SUMF1: variants seen among roughly 807,000 people sequenced by gnomAD.
SUMF1 encodes the protein formylglycine-generating enzyme.
SUMF1 carries 48 observed loss-of-function variants against 47.6 expected under a neutral mutation model. The ratio of observed to expected loss-of-function variants is 1.01; its 90% confidence interval spans 0.80 to 1.28. The LOEUF (loss-of-function observed/expected upper bound fraction) is 1.28. Ranked by LOEUF, SUMF1 falls within the 50% of genes most tolerant of loss-of-function variation. The probability of loss-of-function intolerance (pLI) is 0.00; values close to 1 mark genes in which losing one functional copy is unlikely to be tolerated. For missense variants in SUMF1, 571 were observed against 485.4 expected (o/e 1.18, Z -1.66); for synonymous variants, 230 against 192.1 (o/e 1.20, Z -1.63).
chr3:4,129,121 G>C, intron 8 of SUMF1, among the ~76,000 whole-genome samples: 1 of 152,118 alleles, frequency 6.6e-6, no homozygotes, highest in Non-Finnish European at 1.5e-5. Context: ...AGATTCGTGA[G>C]GGCAGCACTT....
intron 8 of SUMF1, among the ~76,000 whole-genome samples, chr3:4,120,496 C>G (rs762747439): frequency 5.9e-5 from 9 of 152,108 alleles, no homozygotes; most frequent in Non-Finnish European, 1.2e-4. Flanking sequence ...CAACTCTGAC[C>G]TAAAATACCA....
chr3:4,352,960 A>G (rs1432360795), intron 8 of SUMF1, among the ~76,000 whole-genome samples: 1 of 152,204 alleles, frequency 6.6e-6, no homozygotes, highest in Non-Finnish European at 1.5e-5. Context: ...CTCCCAAGAC[A>G]GATTCAGTCA....
chr3:4,429,403 G>A (rs1482977329), intron 3 of SUMF1, among the ~76,000 whole-genome samples: 1 of 152,150 alleles, frequency 6.6e-6, no homozygotes, highest in African/African-American at 2.4e-5. Context: ...CAGAAAGTTG[G>A]AATGCCATCT....
intron 8 of SUMF1, among the ~76,000 whole-genome samples, chr3:4,315,826 C>T (rs1439074005): frequency 6.6e-6 from 1 of 151,970 alleles, no homozygotes; most frequent in Non-Finnish European, 1.5e-5. Context: ...GCAGGCAGAA[C>T]ACTTGAGCTT....
chr3:4,105,631 A>G (rs1325760632), intron 8 of SUMF1, among the ~76,000 whole-genome samples: 1 of 152,080 alleles, frequency 6.6e-6, no homozygotes, highest in African/African-American at 2.4e-5. Context: ...ATTAATGGAA[A>G]CTTAGGAGTT....
intron 8 of SUMF1, among the ~76,000 whole-genome samples, chr3:4,240,482 A>G (rs1696511921): frequency 6.7e-6 from 1 of 149,118 alleles, no homozygotes; most frequent in Admixed American, 6.7e-5. Context: ...CTTTGGTACT[A>G]TTTTATTTTG....
intron 8 of SUMF1, among the ~76,000 whole-genome samples, chr3:4,250,836 A>G (rs975933532): frequency 6.6e-6 from 1 of 152,196 alleles, no homozygotes; most frequent in Non-Finnish European, 1.5e-5. Flanking sequence ...AATCAGAAAA[A>G]AAGATTACTT....
chr3:4,273,836 A>AG (rs1697360117), intron 8 of SUMF1, among the ~76,000 whole-genome samples: 1 of 42,316 alleles, frequency 2.4e-5, no homozygotes, highest in African/African-American at 1.1e-4. Context: ...GGGCATGGCA[A>AG]GGGAGGGCAT....
At chr3:4,374,191 T>C (rs994495296) in intron 8 of SUMF1, among the ~76,000 whole-genome samples, 2 of 152,094 alleles carry the variant, frequency 1.3e-5, no homozygotes, top group Non-Finnish European at 2.9e-5. Context: ...GCCAATGACA[T>C]ACAGCAAGAA....
At chr3:4,394,141 G>A (rs1386726153) in intron 7 of SUMF1, among the ~76,000 whole-genome samples, 1 of 151,984 alleles carries the variant, frequency 6.6e-6, no homozygotes, top group African/African-American at 2.4e-5. Flanking sequence ...TTAAAAGAGT[G>A]TTTAGCTTTT....
chr3:4,288,804 G>GA (rs11436057), intron 8 of SUMF1, among the ~76,000 whole-genome samples: 80,301 of 146,770 alleles, frequency 0.55, 21,901 homozygotes, highest in African/African-American at 0.63. Flanking sequence ...ACTCTGTCTA[G>GA]AAAAAAAAAA....
chr3:4,452,141 AAAG>A (rs771928685), intron 2 of SUMF1, among the ~76,000 whole-genome samples: 3 of 152,160 alleles, frequency 2.0e-5, no homozygotes, highest in Admixed American at 1.3e-4. Context: ...TAAAAAAAAA[AAAG>A]AATAGGGACC....
intron 8 of SUMF1, among the ~76,000 whole-genome samples, chr3:4,355,343 G>C (rs1699595502): frequency 1.3e-5 from 2 of 152,164 alleles, no homozygotes; most frequent in South Asian, 2.1e-4. Flanking sequence ...GATGACAGAG[G>C]AAGATTCTGT....
At chr3:4,099,028 T>A (rs1175240125) in intron 8 of SUMF1, among the ~76,000 whole-genome samples, 3 of 152,122 alleles carry the variant, frequency 2.0e-5, no homozygotes, top group African/African-American at 7.2e-5. Context: ...GCCACTGCAG[T>A]CCTTAACAAG....
chr3:4,455,541 C>A (rs1703131469), intron 1 of SUMF1, among the ~76,000 whole-genome samples: 1 of 152,152 alleles, frequency 6.6e-6, no homozygotes, highest in Non-Finnish European at 1.5e-5. Context: ...CACGGTGAAA[C>A]CCCGTCTCTA....
intron 8 of SUMF1, among the ~76,000 whole-genome samples, chr3:4,329,055 A>G (rs1429531613): frequency 6.6e-6 from 1 of 152,210 alleles, no homozygotes; most frequent in Non-Finnish European, 1.5e-5. Context: ...ATGCTGATGC[A>G]AGAGGTGGGT....
chr3:4,184,157 A>G (rs1695152353), intron 8 of SUMF1, among the ~76,000 whole-genome samples: 1 of 150,830 alleles, frequency 6.6e-6, no homozygotes, highest in Non-Finnish European at 1.5e-5. Flanking sequence ...AAAAAAAAAA[A>G]GAAAAAAGGC....
At chr3:4,423,333 C>T (rs1198845348) in intron 3 of SUMF1, among the ~76,000 whole-genome samples, 3 of 149,510 alleles carry the variant, frequency 2.0e-5, no homozygotes, top group Non-Finnish European at 3.0e-5. Flanking sequence ...TACTACTCAG[C>T]CATAAAAGAA....
intron 7 of SUMF1, among the ~76,000 whole-genome samples, chr3:4,384,764 T>C (rs904738540): frequency 2.0e-5 from 3 of 152,240 alleles, no homozygotes; most frequent in Non-Finnish European, 4.4e-5. Context: ...CTAGTTTTTT[T>C]GGCTATTACG....
Sources: allele counts gnomAD v4.1 joint callset (sites outside exome capture counted in the v4.1 genomes callset), GRCh38; gene constraint gnomAD v4.1.1; transcripts MANE v1.5; gene names NCBI Gene and HGNC (gene_info 2026-07-23, HGNC 2026-07-21).